Variants in OTOG observed in about 807,000 individuals in gnomAD.
OTOG encodes otogelin.
In OTOG, 296 loss-of-function variants were observed where a neutral mutation model predicts 313.8. The observed-to-expected ratio is 0.94, with a 90% CI of 0.86 to 1.04. The LOEUF (loss-of-function observed/expected upper bound fraction) is 1.04, where lower values mean the gene tolerates loss of function less well. OTOG is among the 50% of genes least tolerant of loss of function. The pLI, the probability that OTOG is intolerant of heterozygous loss-of-function variation, is 0.00. For missense variants in OTOG, 3,948 were observed against 3,840.1 expected (o/e 1.03, Z -0.74); for synonymous variants, 1,533 against 1,554.9 (o/e 0.99, Z 0.33).
intron 35 of OTOG, 62 bp downstream of exon 35, chr11:17,609,271 G>A: frequency 2.8e-6 from 4 of 1,440,056 alleles, no homozygotes; most frequent in South Asian, 2.5e-5. Context: ...GGGTCTCACT[G>A]AGCAGTCATG....
At position 17,633,308 on chromosome 11, in the gene OTOG, C is replaced by T. The variant is rs186204321; in HGVS notation, c.7073-372C>T. Among the ~76,000 whole-genome samples the T allele has an allele frequency of 3.1e-3, 474 of 152,330 alleles. 1 individual carries two copies. Among genetic ancestry groups the T allele is most frequent in the South Asian group, 0.011 (52 of 4,828 alleles). ...AGAGCAAGGGGTTGGCAAACCTTTT[C>T]GGTAAAGAGCCAGAAAGTAAGTATT... On this transcript the variant is annotated intron_variant, in intron 42 of 55. Coordinates refer to ENST00000399397, the MANE Select transcript of OTOG (RefSeq NM_001292063.2).
At chr11:17,586,637 G>T in intron 24 of OTOG, 56 bp downstream of exon 24, 1 of 871,318 alleles carries the variant, frequency 1.1e-6, no homozygotes, top group South Asian at 3.1e-5. Flanking sequence ...GCATGGATAT[G>T]GGTGCATAAT....
chr11:17,597,064 G>A, intron 30 of OTOG, 57 bp downstream of exon 30: 2 of 1,526,368 alleles, frequency 1.3e-6, no homozygotes, highest in Non-Finnish European at 1.8e-6. Context: ...CTGTGGGCAT[G>A]CCCTAGGGGT....
intron 15 of OTOG, among the ~76,000 whole-genome samples, chr11:17,568,154 A>C (rs769730637): frequency 6.6e-6 from 1 of 152,046 alleles, no homozygotes; most frequent in Non-Finnish European, 1.5e-5. Flanking sequence ...TGATCCGCCC[A>C]CCTTGGCCTC....
Position 17,605,393 on chromosome 11 carries a change from G to A in OTOG, c.3878-464G>A, listed in dbSNP as rs150634307. On this transcript the variant is annotated intron_variant, in intron 32 of 55. Coordinates refer to ENST00000399397, the MANE Select transcript of OTOG (RefSeq NM_001292063.2). Reference sequence around the variant, plus strand: ...GGAATTCTGTGAGGAGCAGGACCAAGCTGGGGACCCTATAGCTTGGCAAAT... The same window carrying A: ...GGAATTCTGTGAGGAGCAGGACCAAACTGGGGACCCTATAGCTTGGCAAAT... 4.2e-3 allele frequency among the ~76,000 whole-genome samples: 635 copies of A among 152,296 alleles called. 3 individuals are homozygous for A. The highest frequency in any genetic ancestry group is 0.015 in the African/African-American group (612 of 41,572).
At chr11:17,611,583 G>A (rs1311058289) in intron 36 of OTOG, among the ~76,000 whole-genome samples, 160 bp downstream of exon 36, 2 of 152,350 alleles carry the variant, frequency 1.3e-5, no homozygotes, top group Admixed American at 1.3e-4. Flanking sequence ...TGATGCCATA[G>A]CAGGGTTCCG....
At position 17,561,117 on chromosome 11, in the gene OTOG, G is replaced by A. The variant is rs1433551511; in HGVS notation, c.1478G>A (p.Cys493Tyr). 5 of 1,550,612 alleles carry A rather than the reference G, an allele frequency of 3.2e-6. No homozygotes were observed. Among genetic ancestry groups the A allele is most frequent in the Non-Finnish European group, 3.5e-6 (4 of 1,146,984 alleles). ...TCTCTSGKWE[C>Y]STAVCPAECS... ...ACATGCACCTCAGGCAAGTGGGAGT[G>A]CAGCACAGCTGTCTGCCCAGGTATG... is the stretch of plus-strand genomic sequence containing the variant. Residue 493 changes from cysteine (C) to tyrosine (Y), a missense_variant, in exon 14 of 56, where the codon TGC becomes TAC. Transcript: ENST00000399397.
chr11:17,613,522 G>A (rs1453269465), intron 38 of OTOG, 90 bp from the exon 39 acceptor site: 2 of 1,086,702 alleles, frequency 1.8e-6, no homozygotes, highest in Non-Finnish European at 2.7e-6. Context: ...GTAGTCAGGG[G>A]AGACTGTACT....
At chr11:17,590,679 C>T (rs568053601) in intron 24 of OTOG, among the ~76,000 whole-genome samples, 1 of 152,334 alleles carries the variant, frequency 6.6e-6, no homozygotes, top group Admixed American at 6.5e-5. Context: ...CTACAGTGGC[C>T]TTATTGGACC....
At chr11:17,593,503 A>G in intron 26 of OTOG, 107 bp from the exon 27 acceptor site, 3 of 1,461,730 alleles carry the variant, frequency 2.1e-6, no homozygotes, top group Non-Finnish European at 2.8e-6. Flanking sequence ...GGCCAATGTC[A>G]GGGTATGAGG....
intron 31 of OTOG, 144 bp downstream of exon 31, chr11:17,599,841 G>A (rs1244420873): frequency 6.1e-6 from 6 of 976,922 alleles, no homozygotes; most frequent in African/African-American, 1.6e-5. Context: ...ATCATGCAGA[G>A]AGAGCCCTGA....
chr11:17,596,173 C>T lies in OTOG; in HGVS notation c.3525+19C>T, dbSNP rs200989642. The T allele has an allele frequency of 1.9e-3, 2,836 of 1,517,996 alleles. 4 individuals are homozygous for T. Among genetic ancestry groups the T allele is most frequent in the Non-Finnish European group, 2.4e-3 (2,665 of 1,117,486 alleles). 94.0% of individuals were successfully genotyped at this position (1,517,996 alleles called of 1,614,324 possible). A position where few individuals can be genotyped will look rare whatever the true frequency, so the allele number is the denominator to read the frequency against. On this transcript the variant is annotated intron_variant, in intron 29 of 55. Transcript: ENST00000399397. ...CCCTGTGGTGAGTGTACCCCAGCCTCGGCTCCTCCCGAGTGCCCCCTCCAC... is the reference window on the plus strand; with the variant it reads ...CCCTGTGGTGAGTGTACCCCAGCCTTGGCTCCTCCCGAGTGCCCCCTCCAC...
chr11:17,583,487 C>T (rs1467641123), intron 23 of OTOG, among the ~76,000 whole-genome samples: 3 of 152,180 alleles, frequency 2.0e-5, no homozygotes, highest in Non-Finnish European at 2.9e-5. Context: ...ATATTTTACA[C>T]ATGTTTCAAA....
intron 24 of OTOG, among the ~76,000 whole-genome samples, chr11:17,589,460 C>T (rs965527390): frequency 6.6e-6 from 1 of 152,152 alleles, no homozygotes; most frequent in South Asian, 2.1e-4. Flanking sequence ...ACTAAGTGTC[C>T]GTGTTCCTAT....
intron 15 of OTOG, among the ~76,000 whole-genome samples, chr11:17,565,596 T>C (rs906849314): frequency 6.6e-6 from 1 of 152,238 alleles, no homozygotes. Context: ...GCAGAGAATC[T>C]ACATGCATTA....
chr11:17,585,125 G>A (rs936218699), intron 23 of OTOG, among the ~76,000 whole-genome samples: 1 of 152,148 alleles, frequency 6.6e-6, no homozygotes, highest in Non-Finnish European at 1.5e-5. Flanking sequence ...TCTTCCTTAA[G>A]TGCCTGGTAG....
Position 17,640,813 on chromosome 11 carries a change from C to A in OTOG, c.8004C>A (p.Tyr2668Ter). 8 of 1,550,320 alleles carry A rather than the reference C, an allele frequency of 5.2e-6. No homozygotes were observed. In the South Asian group the frequency reaches 9.5e-5, roughly 18 times the overall value. Residue 2668 changes from tyrosine to a stop codon, truncating the protein, a stop_gained, in exon 50 of 56, where the codon TAC (tyrosine) becomes TAA (stop). Coordinates refer to ENST00000399397, the MANE Select transcript of OTOG (RefSeq NM_001292063.2). LOFTEE classifies it high-confidence loss of function. ...SVENVCGCAK[Y>*]ECVKAPVCLS... ...AGAATGTGTGTGGCTGCGCCAAGTA[C>A]GAGTGTGGTGAGTGGGGGAAGCCTC...
chr11:17,638,115 G>C (rs1033189417), intron 47 of OTOG, among the ~76,000 whole-genome samples: 3 of 152,256 alleles, frequency 2.0e-5, no homozygotes, highest in African/African-American at 7.2e-5. Context: ...GTGTTAGACA[G>C]AGCGGGATGT....
rs1474155458 is a variant in OTOG at position 17,559,105 on chromosome 11, C to T, written c.1157C>T (p.Ala386Val). 29 of 1,545,334 alleles carry T rather than the reference C, an allele frequency of 1.9e-5. No individual in the cohort carries two copies. Among genetic ancestry groups the T allele is most frequent in the East Asian group, 2.4e-5 (1 of 40,926 alleles). ...CGGGCACTGGCGGAGTATGCCCGGG[C>T]GTGTGCCCAGGCAGGGCGGCCCTTG... ...WCRALAEYAR[A>V]CAQAGRPLQG... The change falls in exon 11 of 56, where the codon GCG becomes GTG. Residue 386 changes from alanine (A) to valine (V), a missense_variant. Physicochemically the swap from Ala to Val is moderately conservative, Grantham distance 64 (BLOSUM62 0). Coordinates refer to ENST00000399397, the MANE Select transcript of OTOG (RefSeq NM_001292063.2).
Sources: allele counts gnomAD v4.1 joint callset (sites outside exome capture counted in the v4.1 genomes callset), GRCh38; gene constraint gnomAD v4.1.1; transcripts MANE v1.5; gene names NCBI Gene and HGNC (gene_info 2026-07-23, HGNC 2026-07-21).